Variants in IL1RAPL1 observed in about 807,000 individuals in gnomAD.
IL1RAPL1 encodes the protein interleukin-1 receptor accessory protein-like 1.
In IL1RAPL1, 3 loss-of-function variants were observed where a neutral mutation model predicts 48.4. That is an observed-to-expected ratio of 0.06 (90% CI 0.03 to 0.16). The LOEUF is 0.16. Ranked by LOEUF, IL1RAPL1 falls within the 10% of genes least tolerant of loss-of-function variation. The pLI, the probability that IL1RAPL1 is intolerant of heterozygous loss-of-function variation, is 1.00. For missense variants in IL1RAPL1, 349 were observed against 530.6 expected (o/e 0.66, Z 3.36); for synonymous variants, 185 against 187.7 (o/e 0.99, Z 0.12).
intron 6 of IL1RAPL1, among the ~76,000 whole-genome samples, chrX:29,807,873 CAT>C (rs1329383550): frequency 9.0e-6 from 1 of 110,673 alleles, no homozygotes; most frequent in African/African-American, 3.3e-5. Context: ...AATAAGAACA[CAT>C]AAAATAGCAA....
intron 2 of IL1RAPL1, among the ~76,000 whole-genome samples, chrX:29,250,127 T>C (rs1931579619): frequency 8.9e-6 from 1 of 111,881 alleles, no homozygotes; most frequent in Non-Finnish European, 1.9e-5. Flanking sequence ...CAATAGCTGC[T>C]AATTCAATTC....
At position 28,994,588 on chromosome X, in the gene IL1RAPL1, T is replaced by G. The variant is rs150421801; in HGVS notation, c.82+205163T>G. Among the ~76,000 whole-genome samples, 257 of 111,698 alleles carry G rather than the reference T, an allele frequency of 2.3e-3. 8 individuals carry two copies. In the East Asian group the frequency reaches 0.065, roughly 28 times the overall value. ...CCATACCTCTGAATAGCAAATGTTG[T>G]ATCAAATTAAGAAGTTATATTTCAG... is the stretch of plus-strand genomic sequence containing the variant. On this transcript the variant is annotated intron_variant, in intron 2 of 10. Coordinates refer to ENST00000378993, the MANE Select transcript of IL1RAPL1 (RefSeq NM_014271.4).
intron 1 of IL1RAPL1, among the ~76,000 whole-genome samples, chrX:28,746,885 A>T (rs1935985291): frequency 9.0e-6 from 1 of 110,961 alleles, no homozygotes; most frequent in South Asian, 3.8e-4. Flanking sequence ...CTAATTACTG[A>T]CCTAATTTTA....
rs1186101688 is a variant in IL1RAPL1 at position 29,167,196 on chromosome X, T to C, written c.83-115742T>C. Among the ~76,000 whole-genome samples the C allele has an allele frequency of 3.6e-5, 4 of 111,208 alleles. No homozygotes were observed. In the Admixed American group the frequency reaches 3.9e-4, roughly 11 times the overall value. On this transcript the variant is annotated intron_variant, in intron 2 of 10. Transcript: ENST00000378993. ...CCTATCATTTCAAATTTTTTGTGCCTATTTTATTTTTTACATAATATATTG... is the reference window on the plus strand; with the variant it reads ...CCTATCATTTCAAATTTTTTGTGCCCATTTTATTTTTTACATAATATATTG...
intron 2 of IL1RAPL1, among the ~76,000 whole-genome samples, chrX:28,808,793 T>G (rs1441697953): frequency 9.0e-6 from 1 of 110,916 alleles, no homozygotes; most frequent in Non-Finnish European, 1.9e-5. Context: ...GCAATTATTA[T>G]TTTTAGGAGA....
At chrX:29,183,397 T>C (rs1189170998) in intron 2 of IL1RAPL1, among the ~76,000 whole-genome samples, 1 of 111,816 alleles carries the variant, frequency 8.9e-6, no homozygotes, top group Non-Finnish European at 1.9e-5. Flanking sequence ...CAAACATTTT[T>C]TGTCAAACCT....
intron 5 of IL1RAPL1, among the ~76,000 whole-genome samples, chrX:29,559,969 T>A (rs1453397031): frequency 8.9e-6 from 1 of 112,100 alleles, no homozygotes; most frequent in Non-Finnish European, 1.9e-5. Context: ...AATTTGGCTA[T>A]GTACTTACCT....
chrX:29,204,030 A>G (rs994045013), intron 2 of IL1RAPL1, among the ~76,000 whole-genome samples: 1 of 110,535 alleles, frequency 9.0e-6, no homozygotes, highest in Non-Finnish European at 1.9e-5. Context: ...AAATGACAAT[A>G]TTTTATGACT....
At chrX:29,881,242 T>C (rs1026890727) in intron 6 of IL1RAPL1, among the ~76,000 whole-genome samples, 1 of 111,061 alleles carries the variant, frequency 9.0e-6, no homozygotes, top group South Asian at 3.8e-4. Context: ...ATCATAAATA[T>C]AGCTGACACC....
Position 28,958,079 on chromosome X carries a change from C to A in IL1RAPL1, c.82+168654C>A, listed in dbSNP as rs761297775. Among the ~76,000 whole-genome samples the A allele has an allele frequency of 2.2e-4, 25 of 111,290 alleles. No individual in the cohort carries two copies. In the South Asian group the frequency reaches 9.4e-3, roughly 42 times the overall value. ...ATACATTTTTGAATGGCCAATGGAGCCAGTTATCATATGCGTCACCTCACA... is the reference window on the plus strand; with the variant it reads ...ATACATTTTTGAATGGCCAATGGAGACAGTTATCATATGCGTCACCTCACA... On this transcript the variant is annotated intron_variant, in intron 2 of 10. Transcript: ENST00000378993.
intron 1 of IL1RAPL1, among the ~76,000 whole-genome samples, chrX:28,768,788 A>G (rs182606439): frequency 0.011 from 778 of 68,107 alleles, 12 homozygotes; most frequent in African/African-American, 0.041. Context: ...TACACACACT[A>G]TATATATACA....
intron 2 of IL1RAPL1, among the ~76,000 whole-genome samples, chrX:29,217,777 TCACACACACACACA>T (rs750727005): frequency 1.6e-5 from 1 of 60,642 alleles, no homozygotes; most frequent in African/African-American, 8.6e-5. Flanking sequence ...TCTCTCTCTC[TCACACACACACACA>T]CACACACACA....
In IL1RAPL1 at chrX:28,971,851, G is replaced by A. The variant is rs988508145; in HGVS notation, c.82+182426G>A. ...ACACGGGGCTGCCAACATGGGTGGAGACAGAAAACAAATAACTCTGAAAAT... is the reference window on the plus strand; with the variant it reads ...ACACGGGGCTGCCAACATGGGTGGAAACAGAAAACAAATAACTCTGAAAAT... On this transcript the variant is annotated intron_variant, in intron 2 of 10. Transcript: ENST00000378993. Among the ~76,000 whole-genome samples, 4 of 104,613 alleles carry A rather than the reference G, an allele frequency of 3.8e-5. No individual in the cohort carries two copies. The South Asian group carries it at 1.8e-3, about 48-fold the overall frequency. 90.8% of individuals were successfully genotyped at this position (104,613 alleles called of 115,157 possible).
chrX:28,897,545 A>T (rs1181298511), intron 2 of IL1RAPL1, among the ~76,000 whole-genome samples: 1 of 112,029 alleles, frequency 8.9e-6, no homozygotes, highest in African/African-American at 3.2e-5. Flanking sequence ...AAGAGAATAA[A>T]AAGAGGCCAC....
intron 6 of IL1RAPL1, among the ~76,000 whole-genome samples, chrX:29,733,543 A>G (rs1927972548): frequency 8.9e-6 from 1 of 112,186 alleles, no homozygotes; most frequent in Non-Finnish European, 1.9e-5. Context: ...TTCTCATTGT[A>G]CATGTCTCCA....
chrX:28,634,269 C>T (rs987749481), intron 1 of IL1RAPL1, among the ~76,000 whole-genome samples: 4 of 108,966 alleles, frequency 3.7e-5, no homozygotes, highest in South Asian at 3.9e-4. Context: ...CTTAACATGC[C>T]GGGATTACAG....
At chrX:29,721,162 C>T (rs949658710) in intron 6 of IL1RAPL1, among the ~76,000 whole-genome samples, 1 of 111,616 alleles carries the variant, frequency 9.0e-6, no homozygotes, top group African/African-American at 3.3e-5. Context: ...ACACAATGAC[C>T]GGGGCAGCTC....
At chrX:29,405,461 G>T (rs1934050250) in intron 5 of IL1RAPL1, among the ~76,000 whole-genome samples, 1 of 97,357 alleles carries the variant, frequency 1.0e-5, no homozygotes, top group South Asian at 4.3e-4. Context: ...CCGCCTCCCG[G>T]GTTCACGCCA....
chrX:29,652,807 C>A (rs1400122352), intron 5 of IL1RAPL1, among the ~76,000 whole-genome samples: 3 of 111,564 alleles, frequency 2.7e-5, no homozygotes, highest in African/African-American at 3.3e-5. Context: ...ATCTTGGAGA[C>A]CTATGACCAA....
Sources: gnomAD v4.1 joint callset for allele counts (sites outside exome capture counted in the v4.1 genomes callset) on GRCh38, gnomAD v4.1.1 for gene constraint, MANE v1.5 for transcripts, NCBI Gene and HGNC (gene_info 2026-07-23, HGNC 2026-07-21) for gene names.